The following CALD1 variants were observed in gnomAD, a reference collection of about 807,000 sequenced individuals.
CALD1 encodes the protein caldesmon 1, also known as caldesmon.
CALD1 carries 33 observed loss-of-function variants against 99.9 expected under a neutral mutation model. The observed-to-expected ratio is 0.33, with a 90% CI of 0.25 to 0.44. The LOEUF is 0.44. Ranked by LOEUF, CALD1 falls within the 20% of genes least tolerant of loss-of-function variation. CALD1 has a pLI of 1.00. For missense variants in CALD1, 861 were observed against 962.1 expected (o/e 0.89, Z 1.39); for synonymous variants, 310 against 325.0 (o/e 0.95, Z 0.50).
At chr7:134,916,951 T>C (rs1804252763) in intron 3 of CALD1, among the ~76,000 whole-genome samples, 1 of 152,222 alleles carries the variant, frequency 6.6e-6, no homozygotes, top group Non-Finnish European at 1.5e-5. Flanking sequence ...TAGGTGATTG[T>C]CTTCAGATAC....
At chr7:134,772,657 T>A (rs1342811386) in intron 1 of CALD1, among the ~76,000 whole-genome samples, 7 of 152,258 alleles carry the variant, frequency 4.6e-5, no homozygotes, top group Admixed American at 4.6e-4. Context: ...AGTTGAACTA[T>A]ATGGTATCCA....
intron 1 of CALD1, among the ~76,000 whole-genome samples, chr7:134,772,056 T>C (rs1429245478): frequency 1.3e-5 from 2 of 151,768 alleles, no homozygotes; most frequent in Non-Finnish European, 2.9e-5. Flanking sequence ...AGAAACTCAG[T>C]AAATATTTGT....
chr7:134,769,274 T>G (rs1174032226), intron 1 of CALD1, among the ~76,000 whole-genome samples: 2 of 152,084 alleles, frequency 1.3e-5, no homozygotes, highest in Non-Finnish European at 2.9e-5. Flanking sequence ...AGGATATACC[T>G]AGAAATGGGA....
At chr7:134,947,797 C>T (rs372837072) in intron 8 of CALD1, 28 bp downstream of exon 8, 11 of 1,596,120 alleles carry the variant, frequency 6.9e-6, no homozygotes, top group South Asian at 2.2e-5. Context: ...CCACTGAGAA[C>T]GTTGCCCGGG....
chr7:134,830,264 G>A (rs189979545), intron 1 of CALD1, among the ~76,000 whole-genome samples: 184 of 152,224 alleles, frequency 1.2e-3, no homozygotes, highest in African/African-American at 4.2e-3. Context: ...TATCTCACTC[G>A]TAGAATTTAT....
intron 1 of CALD1, among the ~76,000 whole-genome samples, chr7:134,832,667 G>A (rs1041613349): frequency 1.3e-5 from 2 of 152,164 alleles, no homozygotes; most frequent in African/African-American, 2.4e-5. Flanking sequence ...AAGCCACATC[G>A]GGAAATGAAG....
At chr7:134,715,861 C>G in the CALD1 span, among the ~76,000 whole-genome samples, 1 of 152,106 alleles carries the variant, frequency 6.6e-6, no homozygotes, top group Admixed American at 6.5e-5. Context: ...TTGGGATTCA[C>G]CTTTTATGGA....
At chr7:134,728,466 G>A in the CALD1 span, among the ~76,000 whole-genome samples, 2 of 152,154 alleles carry the variant, frequency 1.3e-5, no homozygotes, top group African/African-American at 2.4e-5. Flanking sequence ...TTAACTGGCC[G>A]AAACTCAGTG....
chr7:134,792,286 C>CT (rs1228341394), intron 1 of CALD1, among the ~76,000 whole-genome samples: 1,339 of 122,762 alleles, frequency 0.011, 15 homozygotes, highest in East Asian at 0.036. Context: ...ATTTCCTCTT[C>CT]TTTTTTTTTT....
rs745613779 is a variant in CALD1 at position 134,933,390 on chromosome 7, G to T, written c.621G>T (p.Gln207His). The T allele has an allele frequency of 6.2e-7, 1 of 1,612,010 alleles. No homozygotes were observed. Among genetic ancestry groups the T allele is most frequent in the South Asian group, 1.1e-5 (1 of 90,736 alleles). Residue 207 changes from glutamine to histidine, a missense_variant, in exon 5 of 15, where the codon CAG becomes CAT. Coordinates refer to ENST00000361675, the MANE Select transcript of CALD1 (RefSeq NM_033138.4). ...AGCGAGGGAGCATTGGAGAAAATCA[G>T]GTAGAGGTGATGGTGGAAGAGAAAA... ...KPKRGSIGEN[Q>H]VEVMVEEKTT... is the part of the protein sequence containing the mutation.
At chr7:134,906,346 C>T (rs12707188) in intron 3 of CALD1, among the ~76,000 whole-genome samples, 42,417 of 152,040 alleles carry the variant, frequency 0.28, 6,890 homozygotes, top group East Asian at 0.43. Flanking sequence ...TGGGGTTGGC[C>T]GGGTGATGGC....
intron 9 of CALD1, 73 bp downstream of exon 9, chr7:134,950,587 AT>A: frequency 8.5e-7 from 1 of 1,169,804 alleles, no homozygotes; most frequent in Non-Finnish European, 1.3e-6. Flanking sequence ...TTAGTTATTG[AT>A]TATACAGGGC....
chr7:134,838,403 A>G (rs1227937881), intron 1 of CALD1, among the ~76,000 whole-genome samples: 1 of 152,222 alleles, frequency 6.6e-6, no homozygotes, highest in Non-Finnish European at 1.5e-5. Context: ...TGATGCACAA[A>G]AGAGCTACAA....
intron 3 of CALD1, among the ~76,000 whole-genome samples, chr7:134,887,920 C>A (rs781515061): frequency 5.3e-5 from 8 of 152,040 alleles, no homozygotes; most frequent in African/African-American, 1.4e-4. Flanking sequence ...CGCATTAGGG[C>A]ATATGCACAG....
chr7:134,894,725 C>T (rs1360545067), intron 3 of CALD1, among the ~76,000 whole-genome samples: 1 of 152,144 alleles, frequency 6.6e-6, no homozygotes, highest in East Asian at 1.9e-4. Flanking sequence ...AATGGTTGTT[C>T]AGTTATTTAG....
chr7:134,847,604 T>C (rs973484858), intron 2 of CALD1, among the ~76,000 whole-genome samples: 3 of 152,160 alleles, frequency 2.0e-5, no homozygotes, highest in Admixed American at 2.0e-4. Context: ...GAAACCTCCA[T>C]AGTAAAGAGG....
intron 9 of CALD1, 82 bp from the exon 10 acceptor site, chr7:134,957,987 G>C: frequency 9.9e-7 from 1 of 1,011,346 alleles, no homozygotes; most frequent in Middle Eastern, 3.0e-4. Context: ...AACAGGTTCA[G>C]GGATGATATT....
intron 3 of CALD1, among the ~76,000 whole-genome samples, chr7:134,928,530 A>G (rs917371388): frequency 6.6e-6 from 1 of 151,760 alleles, no homozygotes; most frequent in African/African-American, 2.4e-5. Context: ...TGGTCATTGT[A>G]AATTATCTTC....
At chr7:134,756,938 G>A (rs558644278) in intron 1 of CALD1, among the ~76,000 whole-genome samples, 5 of 152,168 alleles carry the variant, frequency 3.3e-5, no homozygotes, top group Non-Finnish European at 5.9e-5. Context: ...AGCGCTATGC[G>A]TAACTTGAAA....
Sources: gnomAD v4.1 joint callset for allele counts (sites outside exome capture counted in the v4.1 genomes callset) on GRCh38, gnomAD v4.1.1 for gene constraint, MANE v1.5 for transcripts, NCBI Gene and HGNC (gene_info 2026-07-23, HGNC 2026-07-21) for gene names.